Variants in CADM2 observed in about 807,000 individuals in gnomAD.
CADM2 encodes the protein immunoglobulin superfamily member 4D.
A neutral mutation model predicts 49.8 loss-of-function variants in CADM2; 12 were observed. The ratio of observed to expected loss-of-function variants is 0.24; its 90% CI spans 0.15 to 0.39. The LOEUF (loss-of-function observed/expected upper bound fraction) is 0.39. Among genes scored for constraint, CADM2 ranks in the 10% least tolerant of loss-of-function variants. The pLI is 1.00. For synonymous variants in CADM2, 214 were observed against 175.4 expected, an observed-to-expected ratio of 1.22 and a Z score of -1.74; for missense variants, 378 against 492.3, an observed-to-expected ratio of 0.77 and a Z score of 2.20.
At chr3:85,932,732 T>TTG (rs935684652) in intron 6 of CADM2, among the ~76,000 whole-genome samples, 2 of 152,120 alleles carry the variant, frequency 1.3e-5, no homozygotes, top group Non-Finnish European at 2.9e-5. Context: ...AATTCTGTTT[T>TTG]TGTGTGTGTG....
intron 1 of CADM2, among the ~76,000 whole-genome samples, chr3:85,637,077 A>G (rs916091584): frequency 6.6e-6 from 1 of 151,528 alleles, no homozygotes; most frequent in Non-Finnish European, 1.5e-5. Flanking sequence ...TTAACATTCT[A>G]CTCTTTCCTT....
At chr3:85,569,746 A>T (rs1246229032) in intron 1 of CADM2, among the ~76,000 whole-genome samples, 1 of 152,002 alleles carries the variant, frequency 6.6e-6, no homozygotes, top group East Asian at 1.9e-4. Flanking sequence ...TGAAATGAGA[A>T]ATTAGAGTCA....
intron 5 of CADM2, among the ~76,000 whole-genome samples, chr3:85,895,696 A>C (rs983644317): frequency 1.3e-5 from 2 of 152,074 alleles, no homozygotes; most frequent in Non-Finnish European, 2.9e-5. Flanking sequence ...TCGTGGGGGA[A>C]GTTTTTCCAT....
intron 3 of CADM2, among the ~76,000 whole-genome samples, chr3:85,871,800 C>G (rs998094552): frequency 6.6e-6 from 1 of 151,926 alleles, no homozygotes; most frequent in Admixed American, 6.6e-5. Flanking sequence ...TATCTACTGC[C>G]CTTGTATTGA....
At chr3:85,671,645 T>G (rs1344005156) in intron 1 of CADM2, among the ~76,000 whole-genome samples, 1 of 152,180 alleles carries the variant, frequency 6.6e-6, no homozygotes, top group African/African-American at 2.4e-5. Context: ...CACTGGCCTT[T>G]TTCCTAGCTC....
chr3:85,513,165 G>T (rs911470886), intron 1 of CADM2, among the ~76,000 whole-genome samples: 8 of 152,002 alleles, frequency 5.3e-5, no homozygotes, highest in Non-Finnish European at 1.2e-4. Flanking sequence ...GAGAATTCAA[G>T]TTTGTAGAAG....
intron 1 of CADM2, among the ~76,000 whole-genome samples, chr3:85,494,165 T>A (rs796140873): frequency 6.6e-6 from 1 of 152,166 alleles, no homozygotes; most frequent in Non-Finnish European, 1.5e-5. Flanking sequence ...GTATTCATTT[T>A]TGTAAAAATT....
chr3:85,262,270 A>G (rs1303005181), intron 1 of CADM2, among the ~76,000 whole-genome samples: 1 of 152,062 alleles, frequency 6.6e-6, no homozygotes, highest in Non-Finnish European at 1.5e-5. Flanking sequence ...AATTTTATTC[A>G]TATTACATAT....
intron 1 of CADM2, among the ~76,000 whole-genome samples, chr3:85,677,691 T>G (rs1188248669): frequency 6.6e-6 from 1 of 152,212 alleles, no homozygotes; most frequent in East Asian, 1.9e-4. Flanking sequence ...TGAGGTATTC[T>G]GAATGAACTC....
At chr3:85,387,059 A>T (rs2034270031) in intron 1 of CADM2, among the ~76,000 whole-genome samples, 1 of 152,146 alleles carries the variant, frequency 6.6e-6, no homozygotes, top group Non-Finnish European at 1.5e-5. Context: ...CTGAGTAAGG[A>T]ATACTCTGGG....
intron 8 of CADM2, chr3:86,014,868 T>C (rs1207057388): frequency 2.7e-5 from 41 of 1,541,064 alleles, no homozygotes; most frequent in Admixed American, 3.7e-5. Context: ...TCCTAATGTG[T>C]ATGCATTGAT....
intron 1 of CADM2, among the ~76,000 whole-genome samples, chr3:85,420,495 C>A (rs1371219747): frequency 6.6e-6 from 1 of 152,080 alleles, no homozygotes; most frequent in Non-Finnish European, 1.5e-5. Context: ...TTGTATGTCC[C>A]ATGGGGGAAA....
chr3:85,452,578 AC>A (rs2037799294), intron 1 of CADM2, among the ~76,000 whole-genome samples: 1 of 152,090 alleles, frequency 6.6e-6, no homozygotes, highest in East Asian at 1.9e-4. Context: ...AACAACAACA[AC>A]AAAAAAGAGA....
At chr3:85,957,298 G>A (rs144661857) in intron 7 of CADM2, among the ~76,000 whole-genome samples, 39 of 151,430 alleles carry the variant, frequency 2.6e-4, no homozygotes, top group Admixed American at 1.6e-3. Context: ...CTAATTGAAC[G>A]ATACATATTA....
intron 1 of CADM2, among the ~76,000 whole-genome samples, chr3:85,323,662 C>T (rs2044674609): frequency 1.3e-5 from 2 of 152,152 alleles, no homozygotes; most frequent in Non-Finnish European, 1.5e-5. Flanking sequence ...CCATACTCAC[C>T]ACCAGAATAT....
At chr3:85,043,640 C>T (rs1304410312) in intron 1 of CADM2, among the ~76,000 whole-genome samples, 1 of 152,072 alleles carries the variant, frequency 6.6e-6, no homozygotes, top group Non-Finnish European at 1.5e-5. Flanking sequence ...GATTGCCCTA[C>T]TACACTCAAG....
chr3:85,620,739 A>C (rs183209350), intron 1 of CADM2, among the ~76,000 whole-genome samples: 1 of 152,232 alleles, frequency 6.6e-6, no homozygotes, highest in Admixed American at 6.5e-5. Flanking sequence ...GACACAAAGC[A>C]ATAGTCCTGA....
At chr3:85,023,228 TTTG>T (rs1179230976) in intron 1 of CADM2, among the ~76,000 whole-genome samples, 2 of 152,048 alleles carry the variant, frequency 1.3e-5, no homozygotes, top group African/African-American at 4.8e-5. Flanking sequence ...GTTGGAGGGT[TTTG>T]TTGTTGTTTT....
chr3:85,676,871 CT>C (rs2065900273), intron 1 of CADM2, among the ~76,000 whole-genome samples: 1 of 152,122 alleles, frequency 6.6e-6, no homozygotes, highest in Admixed American at 6.6e-5. Context: ...TGAAAAATCC[CT>C]TTTCAAACAT....
Sources: allele counts gnomAD v4.1 joint callset (sites outside exome capture counted in the v4.1 genomes callset), GRCh38; gene constraint gnomAD v4.1.1; transcripts MANE v1.5; gene names NCBI Gene and HGNC (gene_info 2026-07-23, HGNC 2026-07-21).